Variants in PYROXD1 observed in about 807,000 individuals in gnomAD.
The protein encoded by PYROXD1 is pyridine nucleotide-disulphide oxidoreductase domain 1.
In PYROXD1, 42 loss-of-function variants were observed where a neutral mutation model predicts 62.0. That is an observed-to-expected ratio of 0.68 (90% CI 0.53 to 0.88). The LOEUF is 0.88. Ranked by LOEUF, PYROXD1 falls within the 40% of genes least tolerant of loss-of-function variation. PYROXD1 has a pLI of 0.00. For synonymous variants in PYROXD1, 170 were observed against 206.4 expected, an observed-to-expected ratio of 0.82 and a Z score of 1.51; for missense variants, 493 against 604.8, an observed-to-expected ratio of 0.82 and a Z score of 1.94.
At chr12:21,455,074 A>G (rs1191773432) in intron 5 of PYROXD1, 58 bp from the exon 6 acceptor site, 2 of 1,095,926 alleles carry the variant, frequency 1.8e-6, no homozygotes, top group Non-Finnish European at 2.4e-6. Flanking sequence ...TTGCAAATGC[A>G]AAGATTTTTT....
rs1385884502 is a variant in PYROXD1, at chr12:21,449,599, A to G, written c.322A>G (p.Lys108Glu). The G allele has an allele frequency of 1.9e-6, 3 of 1,613,282 alleles. No individual in the cohort carries two copies. The highest frequency in any genetic ancestry group is 1.3e-5 in the African/African-American group (1 of 74,894). Residue 108 changes from lysine to glutamate, a missense_variant, in exon 4 of 12, where the codon AAG (lysine) becomes GAG (glutamate). Around this residue, in one of 2 missense-constraint regions of PYROXD1, gnomAD observed 164 missense variants for 158.2 expected, o/e 1.04. Coordinates refer to ENST00000240651, the MANE Select transcript of PYROXD1 (RefSeq NM_024854.5). ...VTEDGNQHVY[K>E]KLCLCAGAKP... ...AGAAGATGGCAATCAGCACGTATAT[A>G]AGAAACTCTGTCTGTGTGCTGGAGC...
chr12:21,446,134 T>A (rs997141441), intron 3 of PYROXD1, among the ~76,000 whole-genome samples: 1 of 152,142 alleles, frequency 6.6e-6, no homozygotes, highest in East Asian at 1.9e-4. Context: ...CTATAAGAAG[T>A]TGAGTTTGGG....
At chr12:21,460,455 G>A (rs913775092) in intron 7 of PYROXD1, among the ~76,000 whole-genome samples, 4 of 143,906 alleles carry the variant, frequency 2.8e-5, no homozygotes, top group East Asian at 2.0e-4. Context: ...ACAGAGTCTC[G>A]CTCTGTCACC....
intron 7 of PYROXD1, 53 bp downstream of exon 7, chr12:21,456,148 A>G: frequency 8.9e-7 from 1 of 1,127,692 alleles, no homozygotes; most frequent in Non-Finnish European, 1.3e-6. Flanking sequence ...TAAATTCTTG[A>G]ACCATTTATT....
intron 9 of PYROXD1, 78 bp from the exon 10 acceptor site, chr12:21,462,662 A>G: frequency 5.3e-6 from 8 of 1,511,226 alleles, no homozygotes; most frequent in Non-Finnish European, 7.3e-6. Context: ...TAACAATTTA[A>G]TTTGTTCTTT....
At chr12:21,456,424 G>A (rs1009369173) in intron 7 of PYROXD1, among the ~76,000 whole-genome samples, 4 of 152,266 alleles carry the variant, frequency 2.6e-5, no homozygotes, top group Admixed American at 1.3e-4. Context: ...TGAGCCACAC[G>A]AATTTTTCAG....
chr12:21,468,909 C>A lies in PYROXD1; in HGVS notation c.*155C>A, dbSNP rs1191651318. 2 of 729,900 alleles carry A rather than the reference C, an allele frequency of 2.7e-6. No individual in the cohort carries two copies. The highest frequency in any genetic ancestry group is 2.1e-6 in the Non-Finnish European group (1 of 466,936). 45.2% of individuals were successfully genotyped at this position (729,900 alleles called of 1,614,324 possible). On this transcript the variant is annotated 3_prime_UTR_variant, in exon 12 of 12. Coordinates refer to ENST00000240651, the MANE Select transcript of PYROXD1 (RefSeq NM_024854.5). ...GTGGAAAAATATAAAAACATAAATT[C>A]TAAGTTTGAAATCAGTTCAAAGTTT...
At chr12:21,457,833 C>T (rs577144174) in intron 7 of PYROXD1, among the ~76,000 whole-genome samples, 1 of 152,186 alleles carries the variant, frequency 6.6e-6, no homozygotes, top group African/African-American at 2.4e-5. Flanking sequence ...CCCACCAGGC[C>T]GTACCTCCAA....
chr12:21,463,692 C>A (rs200815314), intron 10 of PYROXD1, among the ~76,000 whole-genome samples: 27 of 135,992 alleles, frequency 2.0e-4, no homozygotes, highest in Middle Eastern at 3.7e-3. Context: ...AACTCTGTCT[C>A]AAAAAAAAAA....
At chr12:21,455,973 T>G (rs976434267) in intron 6 of PYROXD1, 22 bp from the exon 7 acceptor site, 1 of 1,460,172 alleles carries the variant, frequency 6.8e-7, no homozygotes, top group Non-Finnish European at 9.5e-7. Context: ...AATTTTTATA[T>G]TATTTAATTT....
intron 10 of PYROXD1, among the ~76,000 whole-genome samples, chr12:21,463,198 T>C (rs1255474471): frequency 2.0e-5 from 3 of 152,212 alleles, no homozygotes; most frequent in Non-Finnish European, 4.4e-5. Flanking sequence ...GCCAGCAGTA[T>C]GTCACATGAG....
At chr12:21,460,356 A>G (rs996546661) in intron 7 of PYROXD1, among the ~76,000 whole-genome samples, 12 of 151,954 alleles carry the variant, frequency 7.9e-5, no homozygotes, top group Admixed American at 2.6e-4. Flanking sequence ...ACTGACCTGA[A>G]GAAAATTTTA....
In PYROXD1 at chr12:21,461,301, A is replaced by G. The variant is rs1021025387; in HGVS notation, c.880+147A>G. ...AAAAATAAAACCATAATTTAATAAC[A>G]TTAACTCACTTCATTTCACTGTCTG... On this transcript the variant is annotated intron_variant, in intron 8 of 11. Transcript: ENST00000240651. The G allele has an allele frequency of 9.5e-6, 5 of 527,300 alleles. No homozygotes were observed. In the Admixed American group the frequency reaches 2.0e-4, roughly 22 times the overall value. 32.7% of individuals were successfully genotyped at this position (527,300 alleles called of 1,614,324 possible). A position where few individuals can be genotyped will look rare whatever the true frequency, so the allele number is the denominator to read the frequency against.
Position 21,448,061 on chromosome 12 carries a change from C to A in PYROXD1, c.286-1502C>A, listed in dbSNP as rs1039651591. ...TAAAATTGACCTCATTGGTTTCATT[C>A]TCAGCAAACTGAGCTGGGCCACTCA... On this transcript the variant is annotated intron_variant, in intron 3 of 11. Coordinates refer to ENST00000240651, the MANE Select transcript of PYROXD1 (RefSeq NM_024854.5). 9.1e-6 allele frequency: 5 copies of A among 548,366 alleles called. No individual in the cohort carries two copies. In the South Asian group the frequency reaches 9.3e-5, roughly 10 times the overall value. The allele number at this position is 548,366 out of a possible 1,614,324, so 34.0% of individuals were successfully genotyped here.
rs907040185 is a variant in PYROXD1 at position 21,462,631 on chromosome 12, T to C, written c.994-109T>C. The C allele has an allele frequency of 1.0e-4, 128 of 1,262,268 alleles. 1 individual carries two copies. The East Asian group carries it at 3.0e-3, about 29-fold the overall frequency. The allele number at this position is 1,262,268 out of a possible 1,614,324, so 78.2% of individuals were successfully genotyped here. On this transcript the variant is annotated intron_variant, in intron 9 of 11. Transcript: ENST00000240651. Reference sequence around the variant, plus strand: ...TTGCTGATATTTTTCATTTTCTCATTAAAGATGAGCATGCAAAGTGTAACA... The same window carrying C: ...TTGCTGATATTTTTCATTTTCTCATCAAAGATGAGCATGCAAAGTGTAACA...
chr12:21,446,110 T>G (rs1190842489), intron 3 of PYROXD1, among the ~76,000 whole-genome samples: 1 of 151,426 alleles, frequency 6.6e-6, no homozygotes, highest in Admixed American at 6.6e-5. Context: ...ACCTGAAGGG[T>G]TTTTAATGTC....
intron 7 of PYROXD1, among the ~76,000 whole-genome samples, chr12:21,459,376 C>T (rs930322724): frequency 4.6e-5 from 7 of 152,216 alleles, no homozygotes; most frequent in Admixed American, 2.0e-4. Flanking sequence ...GGCATAGAAG[C>T]TTCATGCCCC....
rs533205246 is a variant in PYROXD1, at chr12:21,437,952, C to G, written c.84+138C>G. ...CGCCCTTTTCCGCACTTATTGCTCC[C>G]AGATTTTAGAAACTGCTTGGTGGTC... On this transcript the variant is annotated intron_variant, in intron 1 of 11. Transcript: ENST00000240651. 2,145 of 767,460 alleles carry G rather than the reference C, an allele frequency of 2.8e-3. 9 individuals are homozygous for G. The highest frequency in any genetic ancestry group is 3.8e-3 in the Non-Finnish European group (1,869 of 486,614). The allele number at this position is 767,460 out of a possible 1,614,324, so 47.5% of individuals were successfully genotyped here.
chr12:21,467,389 A>G (rs1942817183), intron 10 of PYROXD1, 92 bp from the exon 11 acceptor site: 1 of 1,186,730 alleles, frequency 8.4e-7, no homozygotes, highest in Non-Finnish European at 1.2e-6. Context: ...ACTGTCAAAC[A>G]TTGAACTCCT....
Sources: allele counts gnomAD v4.1 joint callset (sites outside exome capture counted in the v4.1 genomes callset), GRCh38; gene constraint gnomAD v4.1.1; regional missense constraint gnomAD v4.1.1; transcripts MANE v1.5; gene names NCBI Gene and HGNC (gene_info 2026-07-23, HGNC 2026-07-21).